The following CFAP20DC variants were observed in gnomAD, a reference collection of about 807,000 sequenced individuals.
The protein encoded by CFAP20DC is protein CFAP20DC.
A neutral mutation model predicts 101.7 loss-of-function variants in CFAP20DC; 84 were observed. The ratio of observed to expected loss-of-function variants is 0.83; its 90% CI spans 0.69 to 0.99. CFAP20DC has a LOEUF of 0.99. CFAP20DC is among the 50% of genes least tolerant of loss of function. The probability of loss-of-function intolerance (pLI) is 0.00; values close to 1 mark genes in which losing one functional copy is unlikely to be tolerated. For synonymous variants in CFAP20DC, 359 were observed against 351.2 expected (o/e 1.02, Z -0.25); for missense variants, 1,007 against 970.3 (o/e 1.04, Z -0.50).
intron 14 of CFAP20DC, among the ~76,000 whole-genome samples, chr3:58,828,750 T>C (rs1047635764): frequency 2.0e-5 from 3 of 151,744 alleles, no homozygotes; most frequent in East Asian, 1.9e-4. Flanking sequence ...TTCAGTATCA[T>C]GCAATGTACC....
chr3:58,831,696 C>T lies in CFAP20DC; in HGVS notation c.2165G>A (p.Cys722Tyr), dbSNP rs2076403632. The T allele has an allele frequency of 6.2e-7, 1 of 1,613,788 alleles. No homozygotes were observed. Among genetic ancestry groups the T allele is most frequent in the African/African-American group, 1.3e-5 (1 of 75,034 alleles). The change falls in exon 14 of 17, where the codon TGC (cysteine) becomes TAC (tyrosine). Residue 722 changes from cysteine to tyrosine, a missense_variant. Physicochemically the swap from Cys to Tyr is radical, Grantham distance 194. Transcript: ENST00000482387. ...AAGCCAGGGACTCACGGGTGGCAGG[C>T]AGGAGTTCCAGGTGGTTGTGTCGTC... The part of the protein sequence containing the change: ...SSDDTTTWNS[C>Y]LPPPVNQGRH...
chr3:58,725,563 A>C (rs560784837), intron 3 of CFAP20DC, among the ~76,000 whole-genome samples: 61 of 152,308 alleles, frequency 4.0e-4, no homozygotes, highest in Non-Finnish European at 7.6e-4. Context: ...AGGATTTAGC[A>C]AGGGGATTTT....
At chr3:58,782,086 G>T (rs2071884143) in intron 15 of CFAP20DC, among the ~76,000 whole-genome samples, 1 of 151,944 alleles carries the variant, frequency 6.6e-6, no homozygotes, top group South Asian at 2.1e-4. Context: ...CAAAGATCAA[G>T]CGGGATTTAT....
intron 4 of CFAP20DC, among the ~76,000 whole-genome samples, chr3:59,022,543 T>C (rs2093821843): frequency 6.6e-6 from 1 of 152,086 alleles, no homozygotes; most frequent in Admixed American, 6.6e-5. Flanking sequence ...AATAGTTTAC[T>C]TTCCAAGTTA....
At chr3:58,930,069 C>T (rs1024118234) in intron 5 of CFAP20DC, among the ~76,000 whole-genome samples, 3 of 152,160 alleles carry the variant, frequency 2.0e-5, no homozygotes, top group African/African-American at 7.2e-5. Context: ...GCACCCACTT[C>T]TTCAGAGGGC....
Position 58,869,329 on chromosome 3 carries a change from A to G in CFAP20DC, c.1014T>C (p.His338=), listed in dbSNP as rs1367901196. ...TCTTTATGCATGATTATTTCTTACCATGAATAGGTACAGTCTGCTTTATTT... is the reference window on the plus strand; with the variant it reads ...TCTTTATGCATGATTATTTCTTACCGTGAATAGGTACAGTCTGCTTTATTT... ...IHQIKQTVPI[H]AANLHIMHPH... The change falls in exon 9 of 17, where the codon CAT becomes CAC. Residue 338 remains histidine (H), a splice_region_variant and synonymous_variant. Coordinates refer to ENST00000482387, the MANE Select transcript of CFAP20DC (RefSeq NM_001394063.1). This position sits in a 1 kb window ranked among gnomAD's most constrained non-coding sequence, Gnocchi z 4.3. 1 of 1,607,856 alleles carries G rather than the reference A, an allele frequency of 6.2e-7. No individual in the cohort carries two copies.
rs1165482917 is a variant in CFAP20DC, at chr3:58,787,247, C to A, written c.2237+19148G>T. On this transcript the variant is annotated intron_variant, in intron 15 of 16. Transcript: ENST00000482387. ...AGTAAACTATCGCAAGAACAAAAAA[C>A]CAAACACTGCATATTCTCACTCATA... Among the ~76,000 whole-genome samples the A allele has an allele frequency of 2.7e-5, 4 of 147,950 alleles. No homozygotes were observed. The East Asian group carries it at 8.0e-4, about 29-fold the overall frequency.
chr3:58,903,721 A>T (rs2083356176), intron 6 of CFAP20DC, among the ~76,000 whole-genome samples: 1 of 152,162 alleles, frequency 6.6e-6, no homozygotes, highest in Non-Finnish European at 1.5e-5. Flanking sequence ...TGCAGCCATG[A>T]TTCAATTACC....
intron 6 of CFAP20DC, among the ~76,000 whole-genome samples, chr3:58,907,044 T>C (rs1272267389): frequency 6.6e-6 from 1 of 152,142 alleles, no homozygotes; most frequent in Non-Finnish European, 1.5e-5. Flanking sequence ...TAGTCTATGG[T>C]GAAAATGTCA....
chr3:58,823,141 G>A (rs894811354), intron 14 of CFAP20DC, among the ~76,000 whole-genome samples: 1 of 151,952 alleles, frequency 6.6e-6, no homozygotes, highest in African/African-American at 2.4e-5. Flanking sequence ...AAAGACTCCT[G>A]TATCATGGAA....
intron 14 of CFAP20DC, among the ~76,000 whole-genome samples, chr3:58,828,959 A>C (rs2076219226): frequency 6.6e-6 from 1 of 152,194 alleles, no homozygotes; most frequent in Non-Finnish European, 1.5e-5. Flanking sequence ...TGGGATAAAG[A>C]AGCGGGAGAA....
chr3:58,959,456 G>T (rs981643530), intron 4 of CFAP20DC, among the ~76,000 whole-genome samples: 1 of 152,118 alleles, frequency 6.6e-6, no homozygotes, highest in African/African-American at 2.4e-5. Context: ...GTGAGGCAAG[G>T]TTCTAAAATA....
intron 4 of CFAP20DC, among the ~76,000 whole-genome samples, chr3:58,938,363 CA>C (rs948020457): frequency 1.3e-5 from 2 of 152,198 alleles, no homozygotes; most frequent in African/African-American, 4.8e-5. Context: ...ATTTAGACCA[CA>C]GCCATGATCA....
chr3:58,800,780 A>C lies in CFAP20DC; in HGVS notation c.2237+5615T>G, dbSNP rs967258292. The stretch of plus-strand genomic sequence containing the variant: ...CCAAACCAGGGCCTCTCATCAAAAC[A>C]CAATTTTATCTGGTTATGAATGAAA... On this transcript the variant is annotated intron_variant, in intron 15 of 16. Coordinates refer to ENST00000482387, the MANE Select transcript of CFAP20DC (RefSeq NM_001394063.1). 7.4e-4 allele frequency among the ~76,000 whole-genome samples: 113 copies of C among 152,270 alleles called. 2 individuals carry two copies. The highest frequency in any genetic ancestry group is 7.3e-3 in the Admixed American group (111 of 15,296).
intron 14 of CFAP20DC, among the ~76,000 whole-genome samples, chr3:58,806,898 G>A (rs894402731): frequency 3.9e-5 from 6 of 152,140 alleles, no homozygotes; most frequent in South Asian, 2.1e-4. Context: ...CTTAAAAAAC[G>A]GCGCACCAGG....
At chr3:59,030,156 T>A (rs1027096196) in intron 4 of CFAP20DC, among the ~76,000 whole-genome samples, 1 of 152,226 alleles carries the variant, frequency 6.6e-6, no homozygotes, top group African/African-American at 2.4e-5. Context: ...CCAGATACCT[T>A]TCTGTTATGT....
chr3:58,937,545 C>T (rs2087879372), intron 5 of CFAP20DC, 103 bp downstream of exon 5: 1 of 717,336 alleles, frequency 1.4e-6, no homozygotes. Context: ...ATTTTTTATA[C>T]CACCATCGTA....
chr3:59,011,116 G>C (rs987582836), intron 4 of CFAP20DC, among the ~76,000 whole-genome samples: 1 of 152,164 alleles, frequency 6.6e-6, no homozygotes, highest in Non-Finnish European at 1.5e-5. Context: ...GTCTGAATGA[G>C]GCCAGGCATG....
intron 5 of CFAP20DC, among the ~76,000 whole-genome samples, chr3:58,919,456 A>AT (rs2085103663): frequency 6.6e-6 from 1 of 152,166 alleles, no homozygotes; most frequent in Admixed American, 6.5e-5. Context: ...GGTATAAGTA[A>AT]TTTTTGGAAA....
Sources: gnomAD v4.1 joint callset for allele counts (sites outside exome capture counted in the v4.1 genomes callset) on GRCh38, gnomAD v4.1.1 for gene constraint, Gnocchi (gnomAD v3.1) non-coding constraint, MANE v1.5 for transcripts, NCBI Gene and HGNC (gene_info 2026-07-23, HGNC 2026-07-21) for gene names.